Variants in ABI1 observed in about 807,000 individuals in gnomAD.
The protein encoded by ABI1 is abl interactor 1.
A neutral mutation model predicts 54.6 loss-of-function variants in ABI1; 14 were observed. The ratio of observed to expected loss-of-function variants is 0.26; its 90% CI spans 0.17 to 0.40. The LOEUF (loss-of-function observed/expected upper bound fraction) is 0.40. Ranked by LOEUF, ABI1 falls within the 10% of genes least tolerant of loss-of-function variation. The pLI, the probability that ABI1 is intolerant of heterozygous loss-of-function variation, is 1.00. For synonymous variants in ABI1, 194 were observed against 209.3 expected, an observed-to-expected ratio of 0.93 and a Z score of 0.63; for missense variants, 443 against 598.3, an observed-to-expected ratio of 0.74 and a Z score of 2.71.
chr10:26,834,187 G>A (rs868303053), intron 1 of ABI1, among the ~76,000 whole-genome samples: 6 of 151,978 alleles, frequency 3.9e-5, no homozygotes, highest in South Asian at 2.1e-4. Flanking sequence ...CTGAGACCAC[G>A]CCACTGCACT....
At chr10:26,820,737 G>A (rs559604723) in intron 2 of ABI1, among the ~76,000 whole-genome samples, 8 of 151,772 alleles carry the variant, frequency 5.3e-5, no homozygotes, top group East Asian at 2.0e-4. Flanking sequence ...ACAGGTGCCC[G>A]CCACCACGCC....
chr10:26,786,056 C>G (rs547929055), intron 2 of ABI1, among the ~76,000 whole-genome samples: 1 of 152,300 alleles, frequency 6.6e-6, no homozygotes, highest in African/African-American at 2.4e-5. Flanking sequence ...AGGGCAAAAT[C>G]TGACTCTTCA....
At chr10:26,753,728 A>C (rs1350664373) in intron 9 of ABI1, among the ~76,000 whole-genome samples, 3 of 152,244 alleles carry the variant, frequency 2.0e-5, no homozygotes, top group Non-Finnish European at 4.4e-5. Context: ...AAGTACTGAT[A>C]CATATTTTAA....
At chr10:26,768,663 A>C (rs1298326729) in intron 6 of ABI1, among the ~76,000 whole-genome samples, 189 bp downstream of exon 6, 6 of 152,242 alleles carry the variant, frequency 3.9e-5, no homozygotes, top group Non-Finnish European at 5.9e-5. Context: ...AAAAAGTTAA[A>C]AAAACAAAAC....
At chr10:26,810,463 A>G (rs747155708) in intron 2 of ABI1, among the ~76,000 whole-genome samples, 2 of 152,216 alleles carry the variant, frequency 1.3e-5, no homozygotes, top group Non-Finnish European at 2.9e-5. Flanking sequence ...TCCCATGAAC[A>G]CTTTTTAAAT....
intron 1 of ABI1, among the ~76,000 whole-genome samples, chr10:26,835,478 G>A (rs11015325): frequency 6.6e-6 from 1 of 151,926 alleles, no homozygotes; most frequent in Non-Finnish European, 1.5e-5. Context: ...GGGAGGCTAA[G>A]ATGGAAGGAT....
intron 2 of ABI1, among the ~76,000 whole-genome samples, chr10:26,791,064 G>A (rs552291530): frequency 3.0e-4 from 27 of 88,716 alleles, no homozygotes; most frequent in Admixed American, 4.5e-4. Flanking sequence ...GTAAGATTCC[G>A]TCTCAAAAAA....
intron 1 of ABI1, among the ~76,000 whole-genome samples, chr10:26,852,523 G>A (rs573184432): frequency 6.6e-6 from 1 of 152,218 alleles, no homozygotes; most frequent in African/African-American, 2.4e-5. Flanking sequence ...CAACTCTTAA[G>A]TTGCTAATAT....
Position 26,764,088 on chromosome 10 carries a change from A to G in ABI1, c.820+1130T>C, listed in dbSNP as rs531693242. Reference sequence around the variant, plus strand: ...ATACCCCCATGTAAAGCATGCTCAAATGAGTATGAATTTTGTACATAAAGA... The same window carrying G: ...ATACCCCCATGTAAAGCATGCTCAAGTGAGTATGAATTTTGTACATAAAGA... On this transcript the variant is annotated intron_variant, in intron 7 of 10. Coordinates refer to ENST00000376140, the MANE Select transcript of ABI1 (RefSeq NM_001012750.3). 4.9e-4 allele frequency: 288 copies of G among 582,946 alleles called. 2 individuals carry two copies. The highest frequency in any genetic ancestry group is 4.5e-5 in the Non-Finnish European group (16 of 352,218). 36.1% of individuals were successfully genotyped at this position (582,946 alleles called of 1,614,324 possible). A position where few individuals can be genotyped will look rare whatever the true frequency, so the allele number is the denominator to read the frequency against.
At chr10:26,850,671 A>G (rs543843601) in intron 1 of ABI1, among the ~76,000 whole-genome samples, 163 of 151,914 alleles carry the variant, frequency 1.1e-3, no homozygotes, top group African/African-American at 3.8e-3. Flanking sequence ...AAAAAAAAAA[A>G]AAAGAAAAGA....
At chr10:26,845,254 C>T (rs1258340380) in intron 1 of ABI1, among the ~76,000 whole-genome samples, 2 of 151,964 alleles carry the variant, frequency 1.3e-5, no homozygotes, top group African/African-American at 4.8e-5. Flanking sequence ...TTCTTCCATA[C>T]AGAACATTTC....
At chr10:26,761,617 C>CATATATATATATATATATATAT (rs1164854399) in intron 7 of ABI1, among the ~76,000 whole-genome samples, 1 of 49,834 alleles carries the variant, frequency 2.0e-5, no homozygotes, top group Non-Finnish European at 3.5e-5. Context: ...TAGTTTTTGT[C>CATATATATATATATATATATAT]ATATATATAT....
intron 1 of ABI1, among the ~76,000 whole-genome samples, chr10:26,832,799 G>A (rs1378564147): frequency 6.6e-6 from 1 of 152,018 alleles, no homozygotes; most frequent in African/African-American, 2.4e-5. Context: ...TCACTCTGTG[G>A]GGAGAGATGA....
At position 26,856,433 on chromosome 10, in the gene ABI1, C is replaced by CAAAAA. The variant is rs58195958; in HGVS notation, c.117+4309_117+4313dup. Among the ~76,000 whole-genome samples, 27 of 57,770 alleles carry CAAAAA rather than the reference C, an allele frequency of 4.7e-4. 1 individual carries two copies. The highest frequency in any genetic ancestry group is 1.2e-3 in the African/African-American group (19 of 16,490). 37.9% of individuals were successfully genotyped at this position (57,770 alleles called of 152,430 possible). ...AACCTCTAACTGTCCATCTGTTACTCAAAAAAAAAAAAAAAAAAAAAAAAA... is the reference window on the plus strand; with the variant it reads ...AACCTCTAACTGTCCATCTGTTACTCAAAAAAAAAAAAAAAAAAAAAAAAAAAAAA... On this transcript the variant is annotated intron_variant, in intron 1 of 10. Transcript: ENST00000376140.
chr10:26,768,487 G>A (rs556952331), intron 6 of ABI1, among the ~76,000 whole-genome samples: 29 of 151,258 alleles, frequency 1.9e-4, no homozygotes, highest in Admixed American at 1.2e-3. Flanking sequence ...GCAGTGAGCC[G>A]AGATCGCACC....
intron 1 of ABI1, among the ~76,000 whole-genome samples, chr10:26,824,980 A>G (rs972276987): frequency 6.6e-6 from 1 of 152,214 alleles, no homozygotes; most frequent in African/African-American, 2.4e-5. Flanking sequence ...ATTGCTTAAA[A>G]CAGAATGCTA....
intron 4 of ABI1, chr10:26,770,550 T>C (rs976582066): frequency 6.9e-6 from 5 of 726,272 alleles, no homozygotes; most frequent in Non-Finnish European, 1.3e-5. Flanking sequence ...TATATCACAT[T>C]GTAGCCAAAT....
Position 26,771,066 on chromosome 10 carries a change from G to C in ABI1, c.477+9C>G. Reference sequence around the variant, plus strand: ...TACTGTGGATCAAATGATAAGTAATGGCTCTTACCTTGGCTTTTAGCCACT... The same window carrying C: ...TACTGTGGATCAAATGATAAGTAATCGCTCTTACCTTGGCTTTTAGCCACT... On this transcript the variant is annotated intron_variant, in intron 4 of 10. Transcript: ENST00000376140. 6.2e-7 allele frequency: 1 copy of C among 1,613,546 alleles called. No homozygotes were observed. The highest frequency in any genetic ancestry group is 8.5e-7 in the Non-Finnish European group (1 of 1,179,684).
At chr10:26,751,098 T>C (rs949761097) in intron 10 of ABI1, among the ~76,000 whole-genome samples, 6 of 149,342 alleles carry the variant, frequency 4.0e-5, no homozygotes, top group African/African-American at 1.5e-4. Context: ...GTATTTTTTT[T>C]ACTTATAACA....
Sources: gnomAD v4.1 joint callset for allele counts (sites outside exome capture counted in the v4.1 genomes callset) on GRCh38, gnomAD v4.1.1 for gene constraint, MANE v1.5 for transcripts, NCBI Gene and HGNC (gene_info 2026-07-23, HGNC 2026-07-21) for gene names.